TOM1L2: variants seen among roughly 807,000 people sequenced by gnomAD.
TOM1L2 encodes the protein target of myb1 like 2 membrane trafficking protein.
TOM1L2 carries 31 observed loss-of-function variants against 67.9 expected under a neutral mutation model. The ratio of observed to expected loss-of-function variants is 0.46; its 90% CI spans 0.34 to 0.62. The LOEUF (loss-of-function observed/expected upper bound fraction) is 0.62. Ranked by LOEUF, TOM1L2 falls within the 20% of genes least tolerant of loss-of-function variation. The pLI is 0.01. For missense variants in TOM1L2, 606 were observed against 663.5 expected (o/e 0.91, Z 0.95); for synonymous variants, 256 against 254.0 (o/e 1.01, Z -0.07).
intron 1 of TOM1L2, among the ~76,000 whole-genome samples, chr17:17,918,192 T>C (rs546550486): frequency 5.3e-5 from 8 of 152,284 alleles, no homozygotes; most frequent in Admixed American, 2.6e-4. Context: ...GATTTTTGAA[T>C]GTTGATTTTG....
At chr17:17,858,042 A>G (rs1386335552) in intron 12 of TOM1L2, among the ~76,000 whole-genome samples, 1 of 152,224 alleles carries the variant, frequency 6.6e-6, no homozygotes, top group Non-Finnish European at 1.5e-5. Flanking sequence ...TTAGTAACCA[A>G]GAATCCCAAC....
chr17:17,878,659 G>A (rs1221724606), intron 7 of TOM1L2, among the ~76,000 whole-genome samples: 1 of 152,244 alleles, frequency 6.6e-6, no homozygotes, highest in African/African-American at 2.4e-5. Context: ...GACACAAATG[G>A]CAGTATCAGC....
chr17:17,878,077 G>A (rs1465319109), intron 7 of TOM1L2, among the ~76,000 whole-genome samples: 1 of 152,216 alleles, frequency 6.6e-6, no homozygotes, highest in Non-Finnish European at 1.5e-5. Flanking sequence ...TGCCTCAAGA[G>A]GCCTTCTCAG....
At chr17:17,967,335 T>C (rs1322351336) in intron 1 of TOM1L2, among the ~76,000 whole-genome samples, 2 of 152,206 alleles carry the variant, frequency 1.3e-5, no homozygotes, top group Non-Finnish European at 2.9e-5. Flanking sequence ...TACTCACTGA[T>C]CTTTGAATCT....
intron 2 of TOM1L2, among the ~76,000 whole-genome samples, chr17:17,904,442 C>A (rs1275710202): frequency 2.0e-5 from 3 of 152,050 alleles, no homozygotes; most frequent in Non-Finnish European, 2.9e-5. Flanking sequence ...TCAAGCTGGG[C>A]CCAGGAATAT....
At chr17:17,905,830 G>A (rs1174594901) in intron 2 of TOM1L2, among the ~76,000 whole-genome samples, 1 of 152,070 alleles carries the variant, frequency 6.6e-6, no homozygotes. Flanking sequence ...CTCCAAAAAG[G>A]TTGAAGCCAG....
At chr17:17,917,908 T>G (rs2039697203) in intron 1 of TOM1L2, among the ~76,000 whole-genome samples, 1 of 152,108 alleles carries the variant, frequency 6.6e-6, no homozygotes, top group African/African-American at 2.4e-5. Context: ...TGAGCCGTAA[T>G]TGAGCCACTG....
chr17:17,877,588 G>A (rs1193950121), intron 7 of TOM1L2, among the ~76,000 whole-genome samples: 2 of 152,174 alleles, frequency 1.3e-5, no homozygotes, highest in African/African-American at 2.4e-5. Context: ...GGAAGATGTC[G>A]GCAATGGCGG....
intron 1 of TOM1L2, among the ~76,000 whole-genome samples, chr17:17,912,131 G>A (rs76200634): frequency 6.6e-6 from 1 of 152,144 alleles, no homozygotes; most frequent in Non-Finnish European, 1.5e-5. Flanking sequence ...CCACAAAACC[G>A]CCACTGTCAT....
At chr17:17,970,001 C>G (rs2042006133) in intron 1 of TOM1L2, among the ~76,000 whole-genome samples, 1 of 152,052 alleles carries the variant, frequency 6.6e-6, no homozygotes, top group Non-Finnish European at 1.5e-5. Context: ...CAAGCTCTTT[C>G]CACTTGCTAT....
At chr17:17,857,730 G>T in intron 12 of TOM1L2, 1 of 1,507,214 alleles carries the variant, frequency 6.6e-7, no homozygotes, top group Non-Finnish European at 8.9e-7. Flanking sequence ...GTAGGGGCTG[G>T]GGTGGACAGC....
intron 1 of TOM1L2, among the ~76,000 whole-genome samples, chr17:17,956,727 G>T (rs959340195): frequency 6.6e-6 from 1 of 152,210 alleles, no homozygotes; most frequent in Non-Finnish European, 1.5e-5. Context: ...CGCAGCTGCT[G>T]GCCTGGATGC....
chr17:17,871,496 C>G (rs1303163025), intron 7 of TOM1L2, among the ~76,000 whole-genome samples: 1 of 152,096 alleles, frequency 6.6e-6, no homozygotes, highest in East Asian at 1.9e-4. Flanking sequence ...ATGGTAAAAC[C>G]CCATCTCTAC....
chr17:17,877,768 T>C (rs1392984973), intron 7 of TOM1L2, among the ~76,000 whole-genome samples: 2 of 151,884 alleles, frequency 1.3e-5, no homozygotes, highest in Admixed American at 6.6e-5. Context: ...GGCTTGGAGT[T>C]GGAACAAAAC....
At chr17:17,874,238 G>A (rs1376495896) in intron 7 of TOM1L2, among the ~76,000 whole-genome samples, 5 of 152,014 alleles carry the variant, frequency 3.3e-5, no homozygotes, top group African/African-American at 7.2e-5. Flanking sequence ...ACAGGCGTGA[G>A]CCACCACGCC....
At chr17:17,919,448 G>A (rs1298294342) in intron 1 of TOM1L2, among the ~76,000 whole-genome samples, 1 of 152,198 alleles carries the variant, frequency 6.6e-6, no homozygotes, top group Non-Finnish European at 1.5e-5. Context: ...GGATTTCTGG[G>A]TTACTGAGCC....
rs1343618881 is a variant in TOM1L2 at position 17,953,047 on chromosome 17, AG to A, written c.52+19214del. 2.6e-5 allele frequency among the ~76,000 whole-genome samples: 4 copies of A among 152,238 alleles called. No homozygotes were observed. The East Asian group carries it at 7.7e-4, about 29-fold the overall frequency. On this transcript the variant is annotated intron_variant, in intron 1 of 14. Coordinates refer to ENST00000379504, the MANE Select transcript of TOM1L2 (RefSeq NM_001082968.2). ...CCCCACCCCTTCATTTGGGAGGCTGAGGTGGGCAGATCACTTGAGGCCAGGA... is the reference window on the plus strand; with the variant it reads ...CCCCACCCCTTCATTTGGGAGGCTGAGTGGGCAGATCACTTGAGGCCAGGA...
At chr17:17,966,590 T>C (rs2041879194) in intron 1 of TOM1L2, among the ~76,000 whole-genome samples, 1 of 152,230 alleles carries the variant, frequency 6.6e-6, no homozygotes, top group East Asian at 1.9e-4. Context: ...GTGATTCCCT[T>C]GCGGCTGAAT....
intron 1 of TOM1L2, among the ~76,000 whole-genome samples, chr17:17,948,429 A>G (rs1385742758): frequency 6.6e-6 from 1 of 152,204 alleles, no homozygotes; most frequent in African/African-American, 2.4e-5. Flanking sequence ...CAGGCAGATC[A>G]CTTGAGGTCA....
Sources: allele counts gnomAD v4.1 joint callset (sites outside exome capture counted in the v4.1 genomes callset), GRCh38; gene constraint gnomAD v4.1.1; transcripts MANE v1.5; gene names NCBI Gene and HGNC (gene_info 2026-07-23, HGNC 2026-07-21).